Variants in SEMA3C observed in about 807,000 individuals in gnomAD.
SEMA3C encodes semaphorin 3C, also known as semaphorin-3C.
Under a neutral mutation model 89.4 loss-of-function variants are expected in SEMA3C, and 47 were observed. The observed-to-expected ratio is 0.53, with a 90% CI of 0.42 to 0.67. The LOEUF (loss-of-function observed/expected upper bound fraction) is 0.67. SEMA3C is among the 30% of genes least tolerant of loss of function. The pLI, the probability that SEMA3C is intolerant of heterozygous loss-of-function variation, is 0.00. For missense variants in SEMA3C, 839 were observed against 929.1 expected (o/e 0.90, Z 1.26); for synonymous variants, 310 against 320.2 (o/e 0.97, Z 0.34).
intron 12 of SEMA3C, 101 bp from the exon 13 acceptor site, chr7:80,765,344 T>C: frequency 4.9e-6 from 4 of 820,672 alleles, no homozygotes; most frequent in Non-Finnish European, 7.9e-6. Flanking sequence ...CATAAGTATT[T>C]AGTAATCAAA....
chr7:80,858,777 T>C (rs181239142), intron 2 of SEMA3C, among the ~76,000 whole-genome samples: 46 of 152,298 alleles, frequency 3.0e-4, no homozygotes, highest in African/African-American at 1.0e-3. Flanking sequence ...CTTTGTGACC[T>C]TGGAGTGTTT....
chr7:80,783,040 C>A (rs902851819), intron 12 of SEMA3C, among the ~76,000 whole-genome samples: 1 of 151,942 alleles, frequency 6.6e-6, no homozygotes, highest in Non-Finnish European at 1.5e-5. Context: ...ATATATGACA[C>A]ATTATATGTC....
intron 6 of SEMA3C, among the ~76,000 whole-genome samples, chr7:80,808,924 G>A (rs916131538): frequency 3.9e-5 from 6 of 152,062 alleles, no homozygotes; most frequent in South Asian, 4.2e-4. Context: ...ACAGGTGCAC[G>A]CCACCACGCC....
intron 12 of SEMA3C, among the ~76,000 whole-genome samples, chr7:80,769,855 T>TC (rs150327711): frequency 0.01 from 732 of 72,912 alleles, 45 homozygotes; most frequent in Middle Eastern, 0.022. Flanking sequence ...CAAGACTCTG[T>TC]CCCCCCCCCA....
At chr7:80,797,797 A>G (rs962504696) in intron 11 of SEMA3C, among the ~76,000 whole-genome samples, 2 of 152,200 alleles carry the variant, frequency 1.3e-5, no homozygotes, top group African/African-American at 4.8e-5. Flanking sequence ...CAGGAGTTCG[A>G]GACCAGCCTG....
In SEMA3C at chr7:80,916,815, A is replaced by C. The variant is rs773784485; in HGVS notation, c.-34T>G. The C allele has an allele frequency of 6.2e-7, 1 of 1,610,940 alleles. No individual in the cohort carries two copies. The highest frequency in any genetic ancestry group is 8.5e-7 in the Non-Finnish European group (1 of 1,178,916). On this transcript the variant is annotated 5_prime_UTR_variant, in exon 2 of 18. It adds an upstream start codon to the 5' untranslated region. Coordinates refer to ENST00000265361, the MANE Select transcript of SEMA3C (RefSeq NM_006379.5). ...ATATGCAAGTTAATATCCAAGGGAA[A>C]ATACCTTTAAGAGAGAGACAACATG...
chr7:80,794,478 T>G lies in SEMA3C; in HGVS notation c.1131+3614A>C, dbSNP rs544746587. 1.1e-4 allele frequency among the ~76,000 whole-genome samples: 16 copies of G among 152,166 alleles called. No homozygotes were observed. The South Asian group carries it at 2.9e-3, about 28-fold the overall frequency. On this transcript the variant is annotated intron_variant, in intron 11 of 17. Coordinates refer to ENST00000265361, the MANE Select transcript of SEMA3C (RefSeq NM_006379.5). ...AAACATCTAAGAGAAAGAGAAATAC[T>G]CTAATGTAAGCACAACCAGAAGACG...
chr7:80,803,824 G>C (rs1205263293), intron 8 of SEMA3C, among the ~76,000 whole-genome samples: 1 of 151,822 alleles, frequency 6.6e-6, no homozygotes, highest in African/African-American at 2.4e-5. Context: ...ATTTGTTCAA[G>C]AACAAAAACA....
chr7:80,882,628 T>C lies in SEMA3C; in HGVS notation c.103+34051A>G, dbSNP rs559247660. Among the ~76,000 whole-genome samples, 6 of 152,162 alleles carry C rather than the reference T, an allele frequency of 3.9e-5. No individual in the cohort carries two copies. The South Asian group carries it at 1.2e-3, about 32-fold the overall frequency. On this transcript the variant is annotated intron_variant, in intron 2 of 17. Coordinates refer to ENST00000265361, the MANE Select transcript of SEMA3C (RefSeq NM_006379.5). ...GGCACACTAGGGGCCAGATGAGCAC[T>C]GACTTTCCCCATTGAGGAGTCTCGA...
intron 2 of SEMA3C, among the ~76,000 whole-genome samples, chr7:80,893,406 T>C (rs527563700): frequency 6.6e-6 from 1 of 152,330 alleles, no homozygotes; most frequent in African/African-American, 2.4e-5. Flanking sequence ...CCTGACCATA[T>C]GTTCTTAAAC....
chr7:80,848,140 T>C (rs1012377237), intron 2 of SEMA3C, among the ~76,000 whole-genome samples: 18 of 152,238 alleles, frequency 1.2e-4, no homozygotes, highest in African/African-American at 4.1e-4. Flanking sequence ...ACATCTGAAT[T>C]TGAGTATGTC....
chr7:80,907,735 G>A (rs1792048632), intron 2 of SEMA3C, among the ~76,000 whole-genome samples: 1 of 152,024 alleles, frequency 6.6e-6, no homozygotes, highest in African/African-American at 2.4e-5. Context: ...ACTGGCAACT[G>A]ACACAAATTA....
intron 14 of SEMA3C, among the ~76,000 whole-genome samples, chr7:80,761,252 A>G (rs1788176387): frequency 6.6e-6 from 1 of 152,146 alleles, no homozygotes; most frequent in Non-Finnish European, 1.5e-5. Context: ...AGCCTCTAAC[A>G]ATGTTGTGAT....
At chr7:80,811,957 A>G (rs576549948) in intron 5 of SEMA3C, among the ~76,000 whole-genome samples, 41 of 152,260 alleles carry the variant, frequency 2.7e-4, no homozygotes, top group African/African-American at 8.4e-4. Flanking sequence ...TGTCCTTTTC[A>G]CATTGCCTCC....
intron 4 of SEMA3C, among the ~76,000 whole-genome samples, chr7:80,822,404 AATAAATAAAAAT>A (rs1257223754): frequency 3.1e-5 from 4 of 127,340 alleles, no homozygotes; most frequent in East Asian, 2.5e-4. Flanking sequence ...AATAAAAATA[AATAAATAAAAAT>A]AAAAAAAAAA....
intron 2 of SEMA3C, among the ~76,000 whole-genome samples, chr7:80,890,231 C>CT (rs989978159): frequency 6.6e-6 from 1 of 151,990 alleles, no homozygotes; most frequent in Non-Finnish European, 1.5e-5. Flanking sequence ...AAAAAGACAG[C>CT]TTGTTTTTAT....
At chr7:80,838,560 T>C (rs1790190764) in intron 2 of SEMA3C, among the ~76,000 whole-genome samples, 1 of 152,194 alleles carries the variant, frequency 6.6e-6, no homozygotes, top group Admixed American at 6.5e-5. Context: ...CAAGGCTATC[T>C]TGTTCCCCTA....
chr7:80,921,732 T>C (rs1425826021), upstream of SEMA3C, among the ~76,000 whole-genome samples: 1 of 152,200 alleles, frequency 6.6e-6, no homozygotes, highest in Non-Finnish European at 1.5e-5. Context: ...GGATAACTTT[T>C]ATTAAGACGT....
chr7:80,863,803 T>TGCACATATCACATAC, intron 2 of SEMA3C, among the ~76,000 whole-genome samples: 3 of 117,830 alleles, frequency 2.5e-5, no homozygotes, highest in Admixed American at 8.0e-5. Flanking sequence ...CCATCTGATA[T>TGCACATATCACATAC]ATATGTGATA....
Sources: allele counts gnomAD v4.1 joint callset (sites outside exome capture counted in the v4.1 genomes callset), GRCh38; gene constraint gnomAD v4.1.1; transcripts MANE v1.5; gene names NCBI Gene and HGNC (gene_info 2026-07-23, HGNC 2026-07-21).